The following ACLY variants were observed in gnomAD, a reference collection of about 807,000 sequenced individuals.
The protein encoded by ACLY is ATP-citrate synthase.
ACLY carries 41 observed loss-of-function variants against 133.0 expected under a neutral mutation model. The ratio of observed to expected loss-of-function variants is 0.31; its 90% CI spans 0.24 to 0.40. ACLY has a LOEUF of 0.40. Ranked by LOEUF, ACLY falls within the 10% of genes least tolerant of loss-of-function variation. The pLI, the probability that ACLY is intolerant of heterozygous loss-of-function variation, is 1.00. For synonymous variants in ACLY, 495 were observed against 549.3 expected, an observed-to-expected ratio of 0.90 and a Z score of 1.38; for missense variants, 1,046 against 1,453.8, an observed-to-expected ratio of 0.72 and a Z score of 4.56.
In ACLY at chr17:41,867,678, C is replaced by T. The variant is rs782030112; in HGVS notation, c.*132G>A. On this transcript the variant is annotated 3_prime_UTR_variant, in exon 29 of 29. Coordinates refer to ENST00000352035, the MANE Select transcript of ACLY (RefSeq NM_001096.3). ...GCCTGTGGATGTTGGTCTTCGGTGC[C>T]TGTACCCCAGTGGCTGTTTACATTC... The T allele has an allele frequency of 4.5e-5, 26 of 582,066 alleles. No individual in the cohort carries two copies. The highest frequency in any genetic ancestry group is 7.4e-5 in the Non-Finnish European group (25 of 339,554). The allele number at this position is 582,066 out of a possible 1,614,324, so 36.1% of individuals were successfully genotyped here. A position where few individuals can be genotyped will look rare whatever the true frequency, so the allele number is the denominator to read the frequency against.
At position 41,867,739 on chromosome 17, in the gene ACLY, G is replaced by T; in HGVS notation, c.*71C>A. 1 of 1,279,078 alleles carries T rather than the reference G, an allele frequency of 7.8e-7. No homozygotes were observed. Among genetic ancestry groups the T allele is most frequent in the Non-Finnish European group, 1.1e-6 (1 of 913,022 alleles). 79.2% of individuals were successfully genotyped at this position (1,279,078 alleles called of 1,614,324 possible). ...CTAAATAAAGCAGGCTCCACTGCCA[G>T]CTGTCTGTACACTTTTTCTTGGGGG... On this transcript the variant is annotated 3_prime_UTR_variant, in exon 29 of 29. Coordinates refer to ENST00000352035, the MANE Select transcript of ACLY (RefSeq NM_001096.3).
Position 41,871,739 on chromosome 17 carries a change from T to C in ACLY, c.2887A>G (p.Met963Val). 1 of 1,614,122 alleles carries C rather than the reference T, an allele frequency of 6.2e-7. No homozygotes were observed. The highest frequency in any genetic ancestry group is 8.5e-7 in the Non-Finnish European group (1 of 1,180,010). ...GIIPMEFVNKMKKEGKLIMGI... is the reference protein window; with the variant it reads ...GIIPMEFVNKVKKEGKLIMGI... ...ATGATCAGCTTCCCTTCCTTCTTCA[T>C]CTTGTTCACAAACTCCATGGGGATA... Residue 963 changes from methionine (M) to valine (V), a missense_variant, in exon 25 of 29, where the codon ATG becomes GTG. By Grantham distance (21) the Met-to-Val change is conservative. This residue lies in a region of ACLY where 205 missense variants were observed against 373.3 expected (regional missense o/e 0.55). Coordinates refer to ENST00000352035, the MANE Select transcript of ACLY (RefSeq NM_001096.3).
Position 41,886,108 on chromosome 17 carries a change from T to A in ACLY, c.2072+4A>T. 6.2e-7 allele frequency: 1 copy of A among 1,609,244 alleles called. No individual in the cohort carries two copies. Among genetic ancestry groups the A allele is most frequent in the Non-Finnish European group, 8.5e-7 (1 of 1,176,138 alleles). Reference sequence around the variant, plus strand: ...AGCCCCTCCTTGGCTTCCCAGCTGATTACCTGTCCCCACCAATGGCCACGC... The same window carrying A: ...AGCCCCTCCTTGGCTTCCCAGCTGAATACCTGTCCCCACCAATGGCCACGC... On this transcript the variant is annotated splice_donor_region_variant and intron_variant, in intron 18 of 28. Coordinates refer to ENST00000352035, the MANE Select transcript of ACLY (RefSeq NM_001096.3).
chr17:41,874,730 C>T (rs916201382), intron 22 of ACLY, among the ~76,000 whole-genome samples: 2 of 151,738 alleles, frequency 1.3e-5, no homozygotes, highest in African/African-American at 2.4e-5. Context: ...CTTGCCACCA[C>T]GCCCAGCTAA....
At chr17:41,927,154 C>G (rs1555636074) in intron 1 of ACLY, among the ~76,000 whole-genome samples, 1 of 152,202 alleles carries the variant, frequency 6.6e-6, no homozygotes, top group Non-Finnish European at 1.5e-5. Flanking sequence ...AGGCTTGAGC[C>G]ACCATGTCTG....
chr17:41,870,907 G>A (rs1386444768), intron 25 of ACLY, among the ~76,000 whole-genome samples: 5 of 152,200 alleles, frequency 3.3e-5, no homozygotes, highest in African/African-American at 7.2e-5. Context: ...CATCCCAGAC[G>A]GCGGCTGTTC....
intron 25 of ACLY, among the ~76,000 whole-genome samples, 199 bp from the exon 26 acceptor site, chr17:41,869,786 G>A (rs1555624732): frequency 6.6e-6 from 1 of 152,112 alleles, no homozygotes; most frequent in African/African-American, 2.4e-5. Context: ...ATCTCAATTG[G>A]GACACAAAAC....
intron 1 of ACLY, among the ~76,000 whole-genome samples, chr17:41,924,730 G>A (rs1555635813): frequency 1.3e-5 from 2 of 152,164 alleles, no homozygotes; most frequent in East Asian, 3.9e-4. Context: ...CAGGGAAGCT[G>A]GAGGGATGGC....
At chr17:41,927,725 C>T (rs1258956496) in intron 1 of ACLY, among the ~76,000 whole-genome samples, 4 of 151,546 alleles carry the variant, frequency 2.6e-5, no homozygotes, top group African/African-American at 4.9e-5. Flanking sequence ...ACTTGGGAGG[C>T]GGAGGCAGAA....
At chr17:41,876,279 G>T (rs1380906122) in intron 22 of ACLY, among the ~76,000 whole-genome samples, 1 of 150,560 alleles carries the variant, frequency 6.6e-6, no homozygotes, top group African/African-American at 2.5e-5. Flanking sequence ...CGCCCCGTCC[G>T]GGAGGGAGGT....
chr17:41,918,232 C>T (rs1189381896), intron 1 of ACLY, among the ~76,000 whole-genome samples: 1 of 152,230 alleles, frequency 6.6e-6, no homozygotes, highest in Non-Finnish European at 1.5e-5. Context: ...AGGGGCTGGA[C>T]TCGACGATAC....
chr17:41,896,627 G>C lies in ACLY; in HGVS notation c.1452C>G (p.Ser484=). Residue 484 remains serine, a synonymous_variant, in exon 14 of 29, where the codon TCC becomes TCG. Coordinates refer to ENST00000352035, the MANE Select transcript of ACLY (RefSeq NM_001096.3). ...MPQDSVPSPR[S]LQGKSTTLFS... ...AGGGTGGGGGCATCCTACCTTGCAG[G>C]GATCTTGGACTTGGGACTGAATCTG... The C allele has an allele frequency of 6.4e-7, 1 of 1,568,688 alleles. No individual in the cohort carries two copies.
chr17:41,897,705 G>T, intron 13 of ACLY, 44 bp downstream of exon 13: 3 of 1,562,258 alleles, frequency 1.9e-6, no homozygotes, highest in South Asian at 1.2e-5. Flanking sequence ...AGAGGGTACC[G>T]CAAGGCCACT....
chr17:41,928,407 A>G (rs1235506083), intron 1 of ACLY, among the ~76,000 whole-genome samples: 1 of 152,194 alleles, frequency 6.6e-6, no homozygotes, highest in Non-Finnish European at 1.5e-5. Flanking sequence ...TATTTATGCT[A>G]ATACCATTAC....
intron 19 of ACLY, among the ~76,000 whole-genome samples, chr17:41,883,646 G>A (rs1321576417): frequency 4.5e-5 from 6 of 132,924 alleles, no homozygotes; most frequent in Admixed American, 3.6e-4. Context: ...GGGCAGTGGC[G>A]TTATCTCTGT....
At chr17:41,903,582 G>A (rs1439943075) in intron 10 of ACLY, among the ~76,000 whole-genome samples, 2 of 151,364 alleles carry the variant, frequency 1.3e-5, no homozygotes. Flanking sequence ...GTGAAACCCC[G>A]TCTCTACTAA....
At chr17:41,925,449 A>C (rs1374931612) in intron 1 of ACLY, among the ~76,000 whole-genome samples, 17 of 151,112 alleles carry the variant, frequency 1.1e-4, no homozygotes, top group African/African-American at 3.6e-4. Flanking sequence ...AAAAAAAAAA[A>C]AAAACCCAAA....
At position 41,887,649 on chromosome 17, in the gene ACLY, G is replaced by T. The variant is rs781983403; in HGVS notation, c.1825C>A (p.Leu609Met). ...EGIPEALTRK[L>M]IKKADQKGVT... ...CCCTTCTGGTCCGCCTTCTTGATCA[G>T]CTTTCTCGTGAGGGCCTCAGGGATG... Residue 609 changes from leucine to methionine, a missense_variant, in exon 17 of 29, where the codon CTG (leucine) becomes ATG (methionine). Physicochemically the swap from Leu to Met is conservative, Grantham distance 15. Around this residue, in one of 4 missense-constraint regions of ACLY, gnomAD observed 575 missense variants for 804.2 expected, o/e 0.71. Coordinates refer to ENST00000352035, the MANE Select transcript of ACLY (RefSeq NM_001096.3). 36 of 1,613,716 alleles carry T rather than the reference G, an allele frequency of 2.2e-5. No homozygotes were observed. The highest frequency in any genetic ancestry group is 2.7e-5 in the Non-Finnish European group (32 of 1,179,854).
upstream of ACLY, among the ~76,000 whole-genome samples, chr17:41,921,275 G>A (rs1445447276): frequency 6.6e-6 from 1 of 152,034 alleles, no homozygotes; most frequent in Non-Finnish European, 1.5e-5. Context: ...TCCAGCCTGG[G>A]CCACAGAGTG....
Sources: gnomAD v4.1 joint callset for allele counts (sites outside exome capture counted in the v4.1 genomes callset) on GRCh38, gnomAD v4.1.1 for gene constraint, gnomAD v4.1.1 regional missense constraint, MANE v1.5 for transcripts, NCBI Gene and HGNC (gene_info 2026-07-23, HGNC 2026-07-21) for gene names.